The following NXN variants were observed in gnomAD, a reference collection of about 807,000 sequenced individuals.
The protein encoded by NXN is nucleoredoxin 1.
NXN carries 16 observed loss-of-function variants against 48.6 expected under a neutral mutation model. The observed-to-expected ratio is 0.33, with a 90% CI of 0.22 to 0.50. NXN has a LOEUF of 0.50. Ranked by LOEUF, NXN falls within the 20% of genes least tolerant of loss-of-function variation. The probability of loss-of-function intolerance (pLI) is 0.98; values close to 1 mark genes in which losing one functional copy is unlikely to be tolerated. For missense variants in NXN, 492 were observed against 605.5 expected, an observed-to-expected ratio of 0.81 and a Z score of 1.97; for synonymous variants, 281 against 269.6, an observed-to-expected ratio of 1.04 and a Z score of -0.41.
At chr17:841,688 G>A (rs992932823) in intron 1 of NXN, among the ~76,000 whole-genome samples, 2,337 of 113,200 alleles carry the variant, frequency 0.021, 246 homozygotes, top group Middle Eastern at 0.031. Flanking sequence ...CCCTGACCAT[G>A]GCACATCTCA....
chr17:813,066 C>T (rs371683671), intron 5 of NXN, among the ~76,000 whole-genome samples: 3 of 152,330 alleles, frequency 2.0e-5, no homozygotes, highest in Admixed American at 6.5e-5. Flanking sequence ...TGTGTTCACA[C>T]ACCTGGAACA....
intron 1 of NXN, among the ~76,000 whole-genome samples, chr17:960,600 T>C (rs1469639168): frequency 1.5e-5 from 1 of 67,398 alleles, no homozygotes; most frequent in Non-Finnish European, 4.7e-5. Context: ...CACCTCAGCA[T>C]CCTGAGTAGC....
intron 1 of NXN, among the ~76,000 whole-genome samples, chr17:918,879 C>T (rs1018485540): frequency 6.6e-6 from 1 of 151,454 alleles, no homozygotes; most frequent in Non-Finnish European, 1.5e-5. Flanking sequence ...AGTTAAACTA[C>T]GTTTCCACAG....
intron 1 of NXN, among the ~76,000 whole-genome samples, chr17:908,223 C>T (rs566458608): frequency 1.3e-5 from 2 of 152,288 alleles, no homozygotes; most frequent in East Asian, 1.9e-4. Context: ...CTCCTCTGGT[C>T]TCTAATTGGG....
At chr17:969,785 A>G (rs1451564699) in intron 1 of NXN, among the ~76,000 whole-genome samples, 2 of 152,220 alleles carry the variant, frequency 1.3e-5, no homozygotes, top group African/African-American at 4.8e-5. Flanking sequence ...AATTAAAAAA[A>G]AATGTGGAAC....
intron 1 of NXN, chr17:959,125 G>T: frequency 2.4e-6 from 1 of 417,770 alleles, no homozygotes; most frequent in South Asian, 5.7e-5. Flanking sequence ...AGGAGCTGCT[G>T]GGGCCCAGCA....
rs1169601901 is a variant in NXN at position 956,215 on chromosome 17, CCATT to C, written c.360+23100_360+23103del. On this transcript the variant is annotated intron_variant, in intron 1 of 7. Transcript: ENST00000336868. The surrounding 1 kb of genome is among the most constrained non-coding windows in gnomAD (Gnocchi z 4.1). ...CCAAGCCTTCAACTCTCCATCCAAA[CCATT>C]CATTCTTTCTTTCAATAAACACGGT... is the stretch of plus-strand genomic sequence containing the variant. 6.6e-6 allele frequency among the ~76,000 whole-genome samples: 1 copy of C among 152,102 alleles called. No individual in the cohort carries two copies. The highest frequency in any genetic ancestry group is 1.5e-5 in the Non-Finnish European group (1 of 68,024).
At chr17:947,073 C>A (rs1247040622) in intron 1 of NXN, among the ~76,000 whole-genome samples, 1 of 152,150 alleles carries the variant, frequency 6.6e-6, no homozygotes, top group African/African-American at 2.4e-5. Context: ...CAGCACGGGC[C>A]CCCCACTCAG....
At chr17:851,939 G>A (rs1567833451) in intron 1 of NXN, among the ~76,000 whole-genome samples, 1 of 152,224 alleles carries the variant, frequency 6.6e-6, no homozygotes, top group Admixed American at 6.5e-5. Flanking sequence ...TGGCGCCACA[G>A]CGAGACTTTC....
At chr17:975,768 T>C (rs542928292) in intron 1 of NXN, among the ~76,000 whole-genome samples, 2 of 152,216 alleles carry the variant, frequency 1.3e-5, no homozygotes, top group Non-Finnish European at 2.9e-5. Context: ...TGCTCACTTC[T>C]ATGAGGCTGA....
intron 1 of NXN, among the ~76,000 whole-genome samples, chr17:925,687 C>T (rs891642644): frequency 6.6e-6 from 1 of 152,222 alleles, no homozygotes; most frequent in Non-Finnish European, 1.5e-5. Context: ...CTGTGCCCAG[C>T]TCCTGATCTG....
rs187978984 is a variant in NXN at position 938,771 on chromosome 17, C to T, written c.360+40548G>A. Reference sequence around the variant, plus strand: ...ATGAAAAAGAAGATAAAATTAAGAACAGAACAGGCTGGGCGCGGTGGCTCA... The same window carrying T: ...ATGAAAAAGAAGATAAAATTAAGAATAGAACAGGCTGGGCGCGGTGGCTCA... On this transcript the variant is annotated intron_variant, in intron 1 of 7. Transcript: ENST00000336868. Among the ~76,000 whole-genome samples the T allele has an allele frequency of 5.3e-5, 8 of 151,984 alleles. No individual in the cohort carries two copies. The East Asian group carries it at 1.6e-3, about 29-fold the overall frequency.
chr17:955,295 G>A (rs2069153729), intron 1 of NXN, among the ~76,000 whole-genome samples: 1 of 151,270 alleles, frequency 6.6e-6, no homozygotes, highest in South Asian at 2.1e-4. Context: ...AGCCTCCCGA[G>A]TAGCTGGGAT....
intron 1 of NXN, among the ~76,000 whole-genome samples, chr17:896,382 G>C (rs1398734762): frequency 6.6e-6 from 1 of 150,760 alleles, no homozygotes; most frequent in Non-Finnish European, 1.5e-5. Context: ...ATGGTGGCGT[G>C]TGCCTGCAGT....
chr17:808,053 G>C (rs1911676691), intron 5 of NXN, among the ~76,000 whole-genome samples: 1 of 152,180 alleles, frequency 6.6e-6, no homozygotes, highest in African/African-American at 2.4e-5. Flanking sequence ...CTGGGGACAG[G>C]ACCCTGATCC....
intron 1 of NXN, among the ~76,000 whole-genome samples, chr17:880,766 AT>A (rs1555617965): frequency 6.6e-6 from 1 of 152,094 alleles, no homozygotes; most frequent in Non-Finnish European, 1.5e-5. Flanking sequence ...CAAATTCCTT[AT>A]CCATATCTAG....
chr17:804,916 G>T, intron 6 of NXN, 152 bp downstream of exon 6: 1 of 803,518 alleles, frequency 1.2e-6, no homozygotes, highest in Non-Finnish European at 2.0e-6. Flanking sequence ...TAAATCATTG[G>T]GGTCAAAAGC....
intron 1 of NXN, among the ~76,000 whole-genome samples, chr17:840,867 C>T (rs1914128440): frequency 6.6e-6 from 1 of 152,160 alleles, no homozygotes; most frequent in Non-Finnish European, 1.5e-5. Context: ...AAGGACGGCA[C>T]ACCAAGCTTC....
intron 1 of NXN, among the ~76,000 whole-genome samples, chr17:878,446 G>A (rs1468362642): frequency 7.9e-6 from 1 of 127,166 alleles, no homozygotes; most frequent in Non-Finnish European, 1.7e-5. Context: ...GGAGGGGTTT[G>A]CGGGCGGGGG....
Sources: allele counts gnomAD v4.1 joint callset (sites outside exome capture counted in the v4.1 genomes callset), GRCh38; gene constraint gnomAD v4.1.1; non-coding constraint Gnocchi (gnomAD v3.1); transcripts MANE v1.5; gene names NCBI Gene and HGNC (gene_info 2026-07-23, HGNC 2026-07-21).